The following PHF14 variants were observed in gnomAD, a reference collection of about 807,000 sequenced individuals.
The protein encoded by PHF14 is PHD finger protein 14.
A neutral mutation model predicts 117.9 loss-of-function variants in PHF14; 55 were observed. That is an observed-to-expected ratio of 0.47 (90% CI 0.38 to 0.58). The LOEUF is 0.58. Ranked by LOEUF, PHF14 falls within the 20% of genes least tolerant of loss-of-function variation. PHF14 has a pLI of 0.00. For synonymous variants in PHF14, 409 were observed against 368.6 expected (o/e 1.11, Z -1.26); for missense variants, 978 against 1,122.2 (o/e 0.87, Z 1.84).
At chr7:11,092,507 G>A (rs1220845904) in intron 16 of PHF14, among the ~76,000 whole-genome samples, 1 of 152,024 alleles carries the variant, frequency 6.6e-6, no homozygotes, top group Non-Finnish European at 1.5e-5. Flanking sequence ...CCTATAGAAG[G>A]AATTACAGAA....
chr7:11,080,306 T>A (rs1786044814), intron 16 of PHF14, among the ~76,000 whole-genome samples: 2 of 152,156 alleles, frequency 1.3e-5, no homozygotes, highest in Admixed American at 6.5e-5. Context: ...TACACGTGCA[T>A]ACTTGTTAAC....
At chr7:11,102,569 A>G (rs562072427) in intron 16 of PHF14, 31 of 1,606,170 alleles carry the variant, frequency 1.9e-5, no homozygotes, top group Non-Finnish European at 2.6e-5. Flanking sequence ...GATTTTAAAA[A>G]TGTGGATTAA....
chr7:11,070,320 C>T (rs1267682629), intron 16 of PHF14, among the ~76,000 whole-genome samples: 2 of 152,008 alleles, frequency 1.3e-5, no homozygotes, highest in African/African-American at 2.4e-5. Flanking sequence ...TCAAACAATC[C>T]TCTATCCTCA....
At chr7:11,054,801 A>G (rs1583417608) in intron 14 of PHF14, among the ~76,000 whole-genome samples, 1 of 152,152 alleles carries the variant, frequency 6.6e-6, no homozygotes, top group South Asian at 2.1e-4. Flanking sequence ...CAGCACAGGT[A>G]TTACAATTGG....
rs1299196257 is a variant in PHF14, at chr7:10,974,149, G to C, written c.-175G>C. 3 of 617,884 alleles carry C rather than the reference G, an allele frequency of 4.9e-6. No individual in the cohort carries two copies. The highest frequency in any genetic ancestry group is 8.7e-6 in the Non-Finnish European group (3 of 344,150). The allele number at this position is 617,884 out of a possible 1,614,324, so 38.3% of individuals were successfully genotyped here. ...CCAGGCGAGGCCGGGGGGGCGGGGG[G>C]TTAGGGGACCGCGGGGCTACTCTTG... On this transcript the variant is annotated 5_prime_UTR_variant, in exon 1 of 18. Coordinates refer to ENST00000634607, the MANE Select transcript of PHF14 (RefSeq NM_001007157.2).
chr7:11,163,013 G>T (rs529052057), intron 17 of PHF14, among the ~76,000 whole-genome samples: 1 of 152,062 alleles, frequency 6.6e-6, no homozygotes, highest in Non-Finnish European at 1.5e-5. Context: ...TTAGAAATTT[G>T]TTACTGCCCT....
intron 17 of PHF14, among the ~76,000 whole-genome samples, chr7:11,163,277 A>G (rs936830018): frequency 2.0e-5 from 3 of 152,218 alleles, no homozygotes; most frequent in African/African-American, 7.2e-5. Flanking sequence ...TGCAACTTGT[A>G]TCATACAAAA....
intron 3 of PHF14, among the ~76,000 whole-genome samples, chr7:10,989,099 C>G (rs2128309763): frequency 6.6e-6 from 1 of 152,138 alleles, no homozygotes; most frequent in Middle Eastern, 3.4e-3. Context: ...CACAGAGAAG[C>G]AAAATACAGA....
At chr7:11,029,280 G>A (rs1453946661) in intron 7 of PHF14, among the ~76,000 whole-genome samples, 4 of 151,818 alleles carry the variant, frequency 2.6e-5, no homozygotes, top group East Asian at 1.9e-4. Context: ...TTGGCTTTAC[G>A]TTAAAAAATC....
chr7:11,043,537 T>A (rs745357823), intron 13 of PHF14, among the ~76,000 whole-genome samples: 1 of 152,120 alleles, frequency 6.6e-6, no homozygotes, highest in Non-Finnish European at 1.5e-5. Context: ...TAAATGGTAA[T>A]CTCTACAAGA....
chr7:10,990,986 C>T (rs1782428618), intron 4 of PHF14, 139 bp downstream of exon 4: 1 of 592,102 alleles, frequency 1.7e-6, no homozygotes, highest in Admixed American at 3.7e-5. Context: ...TGCTATTTTT[C>T]AGGTTATCTT....
chr7:11,096,370 A>G (rs1562464306), intron 16 of PHF14, among the ~76,000 whole-genome samples: 2 of 152,188 alleles, frequency 1.3e-5, no homozygotes, highest in African/African-American at 4.8e-5. Context: ...TATAGGAGAA[A>G]GGGAATTTTG....
chr7:11,069,838 C>A (rs901357077), intron 16 of PHF14, among the ~76,000 whole-genome samples: 1 of 151,406 alleles, frequency 6.6e-6, no homozygotes, highest in Admixed American at 6.6e-5. Flanking sequence ...CCATGCCCAG[C>A]TGTTCTATTA....
chr7:11,151,237 A>G (rs1161766759), intron 17 of PHF14, among the ~76,000 whole-genome samples: 2 of 152,036 alleles, frequency 1.3e-5, no homozygotes, highest in Non-Finnish European at 2.9e-5. Flanking sequence ...ACTTCTGTGT[A>G]TTTTCTCATT....
chr7:11,161,539 C>A (rs1174374045), intron 17 of PHF14, among the ~76,000 whole-genome samples: 3 of 151,850 alleles, frequency 2.0e-5, no homozygotes, highest in Non-Finnish European at 2.9e-5. Context: ...TCTGAAAAAT[C>A]TGACTATGGA....
In PHF14 at chr7:11,101,608, T is replaced by C. The variant is rs562886535; in HGVS notation, c.2655-9742T>C. On this transcript the variant is annotated intron_variant, in intron 16 of 17. Coordinates refer to ENST00000634607, the MANE Select transcript of PHF14 (RefSeq NM_001007157.2). Reference sequence around the variant, plus strand: ...TTGTGGGGGTGTTTACAGTTTTGTTTTTACTTTCTTTGGAGGTTATTCAGT... The same window carrying C: ...TTGTGGGGGTGTTTACAGTTTTGTTCTTACTTTCTTTGGAGGTTATTCAGT... Among the ~76,000 whole-genome samples, 12 of 152,006 alleles carry C rather than the reference T, an allele frequency of 7.9e-5. 1 individual carries two copies. The South Asian group carries it at 2.5e-3, about 32-fold the overall frequency.
intron 14 of PHF14, among the ~76,000 whole-genome samples, chr7:11,060,959 A>G (rs1035769880): frequency 2.0e-5 from 3 of 152,166 alleles, no homozygotes; most frequent in Non-Finnish European, 4.4e-5. Flanking sequence ...TATTTATACT[A>G]TAATGTAATT....
intron 16 of PHF14, chr7:11,108,604 C>T (rs900320249): frequency 4.6e-5 from 7 of 151,712 alleles, no homozygotes; most frequent in African/African-American, 1.7e-4. Context: ...AGGATTAGGT[C>T]ATTTTTAAAT....
intron 3 of PHF14, among the ~76,000 whole-genome samples, chr7:10,988,534 G>GTTTTTTT (rs34658159): frequency 2.6e-4 from 31 of 118,086 alleles, no homozygotes; most frequent in African/African-American, 6.1e-4. Context: ...TTTCTAGTCT[G>GTTTTTTT]TTTTTTTTTT....
Sources: gnomAD v4.1 joint callset for allele counts (sites outside exome capture counted in the v4.1 genomes callset) on GRCh38, gnomAD v4.1.1 for gene constraint, MANE v1.5 for transcripts, NCBI Gene and HGNC (gene_info 2026-07-23, HGNC 2026-07-21) for gene names.